NPAS2: variants seen among roughly 807,000 people sequenced by gnomAD.
The protein encoded by NPAS2 is neuronal PAS domain protein 2.
NPAS2 carries 23 observed loss-of-function variants against 107.5 expected under a neutral mutation model. That is an observed-to-expected ratio of 0.21 (90% confidence interval 0.15 to 0.30). NPAS2 has a LOEUF of 0.30. Ranked by LOEUF, NPAS2 falls within the 10% of genes least tolerant of loss-of-function variation. The pLI, the probability that NPAS2 is intolerant of heterozygous loss-of-function variation, is 1.00. For synonymous variants in NPAS2, 403 were observed against 417.5 expected (o/e 0.97, Z 0.42); for missense variants, 756 against 1,043.3 (o/e 0.72, Z 3.79).
chr2:100,903,101 G>A (rs1281430512), intron 1 of NPAS2, among the ~76,000 whole-genome samples: 4 of 152,252 alleles, frequency 2.6e-5, no homozygotes, highest in Admixed American at 2.6e-4. Flanking sequence ...GCTCAGGAGA[G>A]TGGACTGAGG....
chr2:100,821,317 G>C, intron 1 of NPAS2: 1 of 877,128 alleles, frequency 1.1e-6, no homozygotes, highest in Non-Finnish European at 1.6e-6. Context: ...AAACACTCCC[G>C]AGCTTGTGTC....
At chr2:100,992,787 T>C (rs1296009727) in intron 19 of NPAS2, among the ~76,000 whole-genome samples, 2 of 152,214 alleles carry the variant, frequency 1.3e-5, no homozygotes, top group Admixed American at 1.3e-4. Context: ...GGGTGTCTTG[T>C]TGTGGAGTTG....
chr2:100,891,887 A>G (rs1681093167), intron 1 of NPAS2, among the ~76,000 whole-genome samples: 1 of 152,148 alleles, frequency 6.6e-6, no homozygotes, highest in Non-Finnish European at 1.5e-5. Context: ...ATGGAGGGAG[A>G]TGCTTGCTGG....
rs113754753 is a variant in NPAS2 at position 100,974,030 on chromosome 2, C to T, written c.1141-773C>T. ...CTAATTTTTGTATTTTTAGTAAAGACGATGTTTCACCATGTTGGCCAGGCT... is the reference window on the plus strand; with the variant it reads ...CTAATTTTTGTATTTTTAGTAAAGATGATGTTTCACCATGTTGGCCAGGCT... On this transcript the variant is annotated intron_variant, in intron 12 of 20. Transcript: ENST00000335681. 1.5e-3 allele frequency among the ~76,000 whole-genome samples: 222 copies of T among 152,026 alleles called. 3 individuals are homozygous for T. Among genetic ancestry groups the T allele is most frequent in the African/African-American group, 5.1e-3 (210 of 41,448 alleles).
chr2:100,879,112 CAAAAA>C (rs371903852), intron 1 of NPAS2, among the ~76,000 whole-genome samples: 1 of 84,344 alleles, frequency 1.2e-5, no homozygotes, highest in African/African-American at 4.4e-5. Context: ...GACTCTGTCT[CAAAAA>C]AAAAGAAAAA....
chr2:100,832,621 A>ATG (rs1676813497), intron 1 of NPAS2, among the ~76,000 whole-genome samples: 2 of 152,136 alleles, frequency 1.3e-5, no homozygotes, highest in Non-Finnish European at 2.9e-5. Context: ...TCCTCTCGCC[A>ATG]TGCCTGGTCT....
At chr2:100,834,772 G>T (rs1676954964) in intron 1 of NPAS2, among the ~76,000 whole-genome samples, 1 of 151,812 alleles carries the variant, frequency 6.6e-6, no homozygotes, top group African/African-American at 2.4e-5. Context: ...TTGGCTCATT[G>T]CAACTTCCAC....
chr2:100,971,480 C>A (rs1370208214), intron 12 of NPAS2, among the ~76,000 whole-genome samples: 1 of 152,064 alleles, frequency 6.6e-6, no homozygotes, highest in Non-Finnish European at 1.5e-5. Context: ...GGAGGAATTC[C>A]AGAGTCCCTG....
rs138995271 is a variant in NPAS2, at chr2:100,925,274, G to A, written c.161G>A (p.Gly54Glu). The A allele has an allele frequency of 6.2e-7, 1 of 1,613,958 alleles. No individual in the cohort carries two copies. The highest frequency in any genetic ancestry group is 1.7e-5 in the Admixed American group (1 of 59,994). ...DKTTVLEKVI[G>E]FLQKHNEVSA... ...ACCACCGTGTTGGAAAAGGTCATCG[G>A]ATTTTTGCAGAAACACAATGGTAAA... The change falls in exon 3 of 21, where the codon GGA (glycine) becomes GAA (glutamate). Residue 54 changes from glycine (G) to glutamate (E), a missense_variant. Physicochemically the swap from Gly to Glu is moderately conservative, Grantham distance 98. Coordinates refer to ENST00000335681, the MANE Select transcript of NPAS2 (RefSeq NM_002518.4).
intron 3 of NPAS2, among the ~76,000 whole-genome samples, chr2:100,925,771 C>T (rs1036167179): frequency 6.6e-6 from 1 of 152,192 alleles, no homozygotes; most frequent in African/African-American, 2.4e-5. Flanking sequence ...TTCTTAATGT[C>T]ACATTCATTC....
chr2:100,926,153 A>G (rs372004381), intron 3 of NPAS2, among the ~76,000 whole-genome samples: 9 of 152,308 alleles, frequency 5.9e-5, no homozygotes, highest in African/African-American at 2.2e-4. Context: ...ATATATTAAT[A>G]TCATATTTTG....
chr2:100,860,152 T>A (rs1168694515), intron 1 of NPAS2, among the ~76,000 whole-genome samples: 1 of 152,246 alleles, frequency 6.6e-6, no homozygotes, highest in East Asian at 1.9e-4. Context: ...GTTTAGTTTC[T>A]TCCTTCTGGG....
chr2:100,896,224 G>A (rs896037177), intron 1 of NPAS2, among the ~76,000 whole-genome samples: 9 of 152,256 alleles, frequency 5.9e-5, no homozygotes, highest in East Asian at 5.8e-4. Flanking sequence ...TGAGGGGAAC[G>A]GGCTCATGAG....
chr2:100,948,196 C>G (rs547384478), intron 5 of NPAS2, 39 bp from the exon 6 acceptor site: 4 of 1,599,452 alleles, frequency 2.5e-6, no homozygotes, highest in Admixed American at 3.6e-5. Flanking sequence ...TTTTCATCTT[C>G]GTTGAGGGTG....
chr2:100,937,814 G>C lies in NPAS2; in HGVS notation c.335G>C (p.Ser112Thr). The change falls in exon 5 of 21, where the codon AGT becomes ACT. Residue 112 changes from serine (S) to threonine (T), a missense_variant. Ser to Thr is a moderately conservative substitution (Grantham distance 58). Around this residue, in one of 4 missense-constraint regions of NPAS2, gnomAD observed 146 missense variants for 249.6 expected, o/e 0.58. Coordinates refer to ENST00000335681, the MANE Select transcript of NPAS2 (RefSeq NM_002518.4). ...GGCAGCATCATCTATGTCTCTGACA[G>C]TATCACGCCTCTCCTTGGGCATTTA... is the stretch of plus-strand genomic sequence containing the variant. ...TDGSIIYVSD[S>T]ITPLLGHLPS... 1 of 1,614,058 alleles carries C rather than the reference G, an allele frequency of 6.2e-7. No homozygotes were observed. The highest frequency in any genetic ancestry group is 8.5e-7 in the Non-Finnish European group (1 of 1,179,900).
intron 1 of NPAS2, among the ~76,000 whole-genome samples, chr2:100,884,563 T>C (rs955941632): frequency 6.6e-6 from 1 of 152,184 alleles, no homozygotes; most frequent in African/African-American, 2.4e-5. Flanking sequence ...TTATTAAGAC[T>C]TCACTCCTTG....
chr2:100,861,177 C>G (rs1678919679), intron 1 of NPAS2, among the ~76,000 whole-genome samples: 1 of 152,042 alleles, frequency 6.6e-6, no homozygotes, highest in African/African-American at 2.4e-5. Flanking sequence ...CAGCCTGGCT[C>G]TTTTCGAGAA....
At chr2:100,903,123 G>A (rs1204458749) in intron 1 of NPAS2, among the ~76,000 whole-genome samples, 2 of 152,238 alleles carry the variant, frequency 1.3e-5, no homozygotes, top group African/African-American at 2.4e-5. Flanking sequence ...GCAGCAGCCA[G>A]CCCTCCTGTG....
chr2:100,950,813 G>A (rs1490891393), intron 7 of NPAS2, among the ~76,000 whole-genome samples: 1 of 152,184 alleles, frequency 6.6e-6, no homozygotes, highest in Admixed American at 6.5e-5. Context: ...CTACATCTGG[G>A]CAAAGTCAGA....
Sources: gnomAD v4.1 joint callset for allele counts (sites outside exome capture counted in the v4.1 genomes callset) on GRCh38, gnomAD v4.1.1 for gene constraint, gnomAD v4.1.1 regional missense constraint, MANE v1.5 for transcripts, NCBI Gene and HGNC (gene_info 2026-07-23, HGNC 2026-07-21) for gene names.